Variants in SPMIP2 observed in about 807,000 individuals in gnomAD.
The protein encoded by SPMIP2 is sperm microtubule inner protein 2.
chr4:158,916,626 T>TGTAC, the SPMIP2 span, among the ~76,000 whole-genome samples: 2 of 14,862 alleles, frequency 1.3e-4, no homozygotes, highest in Non-Finnish European at 1.0e-4. Flanking sequence ...TACATATGTA[T>TGTAC]GTATGTATGT....
the SPMIP2 span, among the ~76,000 whole-genome samples, chr4:158,928,560 G>A: frequency 5.9e-5 from 9 of 152,218 alleles, no homozygotes; most frequent in East Asian, 3.9e-4. Context: ...ACCAATCAGC[G>A]CCCTGTCAAA....
chr4:159,056,002 C>CT, the SPMIP2 span, among the ~76,000 whole-genome samples: 4 of 152,190 alleles, frequency 2.6e-5, no homozygotes, highest in African/African-American at 9.7e-5. Flanking sequence ...GGAGGAGCCG[C>CT]TTGTCTTAGC....
chr4:159,039,121 A>G, the SPMIP2 span, among the ~76,000 whole-genome samples: 3,049 of 152,186 alleles, frequency 0.02, 114 homozygotes, highest in African/African-American at 0.07. Flanking sequence ...CTGAGACTAC[A>G]GGAGATGGTG....
At chr4:158,927,673 G>A in the SPMIP2 span, among the ~76,000 whole-genome samples, 1 of 152,242 alleles carries the variant, frequency 6.6e-6, no homozygotes, top group Non-Finnish European at 1.5e-5. Flanking sequence ...GCCAGAGCCG[G>A]CTCCCTCAGC....
At chr4:158,927,715 T>C in the SPMIP2 span, among the ~76,000 whole-genome samples, 1 of 152,226 alleles carries the variant, frequency 6.6e-6, no homozygotes, top group Non-Finnish European at 1.5e-5. Flanking sequence ...GAGGCGCCAG[T>C]GGGAACCCGG....
At chr4:159,021,206 A>G in the SPMIP2 span, among the ~76,000 whole-genome samples, 1 of 152,266 alleles carries the variant, frequency 6.6e-6, no homozygotes, top group African/African-American at 2.4e-5. Context: ...ATTAAAAGCT[A>G]GATGTTATGA....
At chr4:158,998,129 A>C in the SPMIP2 span, among the ~76,000 whole-genome samples, 1 of 152,236 alleles carries the variant, frequency 6.6e-6, no homozygotes, top group African/African-American at 2.4e-5. Flanking sequence ...GTTCTAATAA[A>C]ACAGAATTTA....
At chr4:159,042,429 A>G in the SPMIP2 span, among the ~76,000 whole-genome samples, 800 of 152,244 alleles carry the variant, frequency 5.3e-3, 8 homozygotes, top group African/African-American at 0.018. Flanking sequence ...AGATCACTCA[A>G]CTGCCACTAG....
chr4:159,077,744 A>G, the SPMIP2 span, among the ~76,000 whole-genome samples: 1 of 152,230 alleles, frequency 6.6e-6, no homozygotes. Context: ...AGCATGATAC[A>G]AAGAGATCTT....
chr4:159,075,127 A>G, the SPMIP2 span, among the ~76,000 whole-genome samples: 1 of 152,216 alleles, frequency 6.6e-6, no homozygotes, highest in African/African-American at 2.4e-5. Context: ...AACAGAGTCC[A>G]TTGATGTAGT....
At chr4:158,918,410 G>T in the SPMIP2 span, among the ~76,000 whole-genome samples, 1 of 152,216 alleles carries the variant, frequency 6.6e-6, no homozygotes, top group Non-Finnish European at 1.5e-5. Context: ...TAAAAGGCAG[G>T]ATAGCTGATG....
At chr4:159,054,478 C>T in the SPMIP2 span, among the ~76,000 whole-genome samples, 2 of 152,248 alleles carry the variant, frequency 1.3e-5, no homozygotes, top group East Asian at 1.9e-4. Context: ...ATTTTGGCTG[C>T]CACTGTCCCC....
At chr4:159,023,233 A>G in the SPMIP2 span, among the ~76,000 whole-genome samples, 2 of 152,102 alleles carry the variant, frequency 1.3e-5, no homozygotes, top group Non-Finnish European at 2.9e-5. Context: ...AGACCGTCTC[A>G]CCCATGTGAG....
At chr4:159,055,253 G>A in the SPMIP2 span, among the ~76,000 whole-genome samples, 2 of 152,184 alleles carry the variant, frequency 1.3e-5, no homozygotes, top group South Asian at 4.1e-4. Context: ...GAGACATAGG[G>A]TGCTCTATAA....
chr4:158,981,866 C>A, the SPMIP2 span, among the ~76,000 whole-genome samples: 499 of 132,044 alleles, frequency 3.8e-3, 4 homozygotes, highest in African/African-American at 0.013. Context: ...ATCAAATTCA[C>A]ACATAACAAT....
the SPMIP2 span, among the ~76,000 whole-genome samples, chr4:158,992,701 T>C: frequency 6.6e-6 from 1 of 152,194 alleles, no homozygotes; most frequent in Non-Finnish European, 1.5e-5. Flanking sequence ...GCTCTCTGCT[T>C]CTAAGATGGT....
At chr4:159,032,347 A>G in the SPMIP2 span, among the ~76,000 whole-genome samples, 3 of 152,206 alleles carry the variant, frequency 2.0e-5, no homozygotes, top group African/African-American at 7.2e-5. Context: ...TGCTCTCTCT[A>G]TATATACCAC....
chr4:159,027,217 T>C, the SPMIP2 span, among the ~76,000 whole-genome samples: 1 of 152,286 alleles, frequency 6.6e-6, no homozygotes, highest in East Asian at 1.9e-4. Flanking sequence ...CAACGCCTAA[T>C]ATCTAATGTC....
the SPMIP2 span, among the ~76,000 whole-genome samples, chr4:159,077,666 A>G: frequency 6.6e-6 from 1 of 152,202 alleles, no homozygotes; most frequent in Non-Finnish European, 1.5e-5. Flanking sequence ...TTCTTTCCTT[A>G]AAGCAGATGT....
Sources: gnomAD v4.1 joint callset for allele counts (sites outside exome capture counted in the v4.1 genomes callset) on GRCh38, gnomAD v4.1.1 for gene constraint, MANE v1.5 for transcripts, NCBI Gene and HGNC (gene_info 2026-07-23, HGNC 2026-07-21) for gene names.